FGD6: variants seen among roughly 807,000 people sequenced by gnomAD.
FGD6 encodes the protein FYVE, RhoGEF and PH domain containing 6, also known as FYVE, RhoGEF and PH domain-containing protein 6.
FGD6 carries 90 observed loss-of-function variants against 149.4 expected under a neutral mutation model. The observed-to-expected ratio is 0.60, with a 90% CI of 0.51 to 0.72. The LOEUF is 0.72. FGD6 is among the 30% of genes least tolerant of loss of function. FGD6 has a pLI of 0.00. For synonymous variants in FGD6, 527 were observed against 584.0 expected (o/e 0.90, Z 1.41); for missense variants, 1,437 against 1,684.8 (o/e 0.85, Z 2.57).
intron 6 of FGD6, among the ~76,000 whole-genome samples, chr12:95,138,027 C>A (rs1879725681): frequency 2.0e-5 from 3 of 151,828 alleles, no homozygotes. Flanking sequence ...TCAAGACCAG[C>A]CTGACCAACA....
chr12:95,122,250 C>T (rs1672194969), intron 8 of FGD6, among the ~76,000 whole-genome samples: 1 of 152,100 alleles, frequency 6.6e-6, no homozygotes, highest in African/African-American at 2.4e-5. Flanking sequence ...GTAAATGGTA[C>T]TATAATATAA....
In FGD6 at chr12:95,144,988, C is replaced by CTTTTTTTTTT. The variant is rs34338776; in HGVS notation, c.2686-3459_2686-3450dup. 7.1e-5 allele frequency among the ~76,000 whole-genome samples: 7 copies of CTTTTTTTTTT among 98,834 alleles called. 2 individuals are homozygous for CTTTTTTTTTT. Among genetic ancestry groups the CTTTTTTTTTT allele is most frequent in the Non-Finnish European group, 7.7e-5 (4 of 51,668 alleles). The allele number at this position is 98,834 out of a possible 152,430, so 64.8% of individuals were successfully genotyped here. A position where few individuals can be genotyped will look rare whatever the true frequency, so the allele number is the denominator to read the frequency against. On this transcript the variant is annotated intron_variant, in intron 5 of 20. Coordinates refer to ENST00000343958, the MANE Select transcript of FGD6 (RefSeq NM_018351.4). ...ACAGGCGTGAGCCACCGCACCCGGCCTTTTTTTTTTTTTTTTTTGCGACAG... is the reference window on the plus strand; with the variant it reads ...ACAGGCGTGAGCCACCGCACCCGGCCTTTTTTTTTTTTTTTTTTTTTTTTTTTTGCGACAG...
intron 2 of FGD6, among the ~76,000 whole-genome samples, chr12:95,175,165 G>T (rs1388346061): frequency 1.3e-5 from 2 of 152,118 alleles, no homozygotes; most frequent in African/African-American, 4.8e-5. Context: ...AACAAGGAGA[G>T]ATTTTGGTGT....
chr12:95,151,459 G>T (rs968842610), intron 5 of FGD6, among the ~76,000 whole-genome samples: 1 of 151,996 alleles, frequency 6.6e-6, no homozygotes, highest in African/African-American at 2.4e-5. Flanking sequence ...GCGGAGATGG[G>T]TTTTAGCCAT....
At chr12:95,174,214 G>A (rs991587079) in intron 2 of FGD6, among the ~76,000 whole-genome samples, 2 of 152,160 alleles carry the variant, frequency 1.3e-5, no homozygotes, top group African/African-American at 2.4e-5. Flanking sequence ...GTCTCTGGGT[G>A]CAGGGATAAG....
chr12:95,097,401 C>G (rs568969906), intron 14 of FGD6, among the ~76,000 whole-genome samples: 2 of 152,066 alleles, frequency 1.3e-5, no homozygotes, highest in South Asian at 4.2e-4. Context: ...TTTGGGAGGC[C>G]GAGGAGGGTG....
At chr12:95,142,115 G>T (rs185606461) in intron 5 of FGD6, among the ~76,000 whole-genome samples, 1 of 150,438 alleles carries the variant, frequency 6.6e-6, no homozygotes, top group African/African-American at 2.4e-5. Flanking sequence ...CTACAGGCGC[G>T]TGCCACCATG....
chr12:95,123,622 C>T (rs1026308220), intron 8 of FGD6, among the ~76,000 whole-genome samples: 16 of 151,466 alleles, frequency 1.1e-4, no homozygotes, highest in African/African-American at 3.6e-4. Context: ...ACTACAGTGG[C>T]GCTATCTCTG....
chr12:95,136,451 A>T (rs1276192425), intron 7 of FGD6, among the ~76,000 whole-genome samples: 1 of 152,254 alleles, frequency 6.6e-6, no homozygotes, highest in Admixed American at 6.5e-5. Context: ...TTTAAGCTTC[A>T]AAACAGAGAA....
At chr12:95,185,002 G>C (rs1448487941) in intron 2 of FGD6, among the ~76,000 whole-genome samples, 2 of 151,880 alleles carry the variant, frequency 1.3e-5, no homozygotes, top group Non-Finnish European at 2.9e-5. Context: ...GCCTCACAAG[G>C]AGCTGGGATG....
intron 5 of FGD6, among the ~76,000 whole-genome samples, chr12:95,148,346 CTGGCTCTA>C (rs1321213569): frequency 2.0e-5 from 3 of 150,014 alleles, no homozygotes; most frequent in Non-Finnish European, 4.4e-5. Context: ...AGCCTTGCCT[CTGGCTCTA>C]TGGATTTTAT....
chr12:95,091,157 C>T (rs903305126), intron 17 of FGD6, among the ~76,000 whole-genome samples: 1 of 152,076 alleles, frequency 6.6e-6, no homozygotes, highest in Non-Finnish European at 1.5e-5. Context: ...AAATCTCTTC[C>T]CAAAACATAG....
At chr12:95,184,583 T>G (rs908466377) in intron 2 of FGD6, among the ~76,000 whole-genome samples, 3 of 3,474 alleles carry the variant, frequency 8.6e-4, no homozygotes, top group Non-Finnish European at 8.4e-4. Flanking sequence ...TCCTGCACGT[T>G]TTTTTTTTTT....
chr12:95,126,730 CAA>C (rs66512721), intron 8 of FGD6, among the ~76,000 whole-genome samples: 110,619 of 127,290 alleles, frequency 0.87, 47,644 homozygotes, highest in African/African-American at 0.95. Flanking sequence ...GACTCAGTCT[CAA>C]AAAAAAAAAA....
intron 2 of FGD6, among the ~76,000 whole-genome samples, chr12:95,185,315 C>T (rs553415273): frequency 2.0e-5 from 3 of 152,142 alleles, no homozygotes; most frequent in South Asian, 4.1e-4. Context: ...TCTTCGAAAG[C>T]GAGAGTCAGG....
intron 3 of FGD6, among the ~76,000 whole-genome samples, chr12:95,165,944 G>A (rs1048655384): frequency 2.0e-5 from 3 of 150,814 alleles, no homozygotes; most frequent in Non-Finnish European, 4.4e-5. Context: ...ACCATGCCTG[G>A]CTTGTTTTTT....
chr12:95,145,855 G>A (rs528108121), intron 5 of FGD6, among the ~76,000 whole-genome samples: 1 of 152,112 alleles, frequency 6.6e-6, no homozygotes, highest in Admixed American at 6.5e-5. Context: ...TATATTTTTA[G>A]TAGATATGGG....
chr12:95,190,371 T>C (rs1221104312), intron 2 of FGD6, among the ~76,000 whole-genome samples: 1 of 152,190 alleles, frequency 6.6e-6, no homozygotes, highest in Middle Eastern at 3.2e-3. Flanking sequence ...GATTTCGTCA[T>C]GTTGGCTAGG....
At chr12:95,081,685 A>ATT (rs745458824) in intron 20 of FGD6, 129 bp from the exon 21 acceptor site, 47,596 of 231,034 alleles carry the variant, frequency 0.21, 4,520 homozygotes, top group South Asian at 0.25. Flanking sequence ...ATATATATGT[A>ATT]TTTTTTTTTT....
Sources: gnomAD v4.1 joint callset for allele counts (sites outside exome capture counted in the v4.1 genomes callset) on GRCh38, gnomAD v4.1.1 for gene constraint, MANE v1.5 for transcripts, NCBI Gene and HGNC (gene_info 2026-07-23, HGNC 2026-07-21) for gene names.